The following ZNF184 variants were observed in gnomAD, a reference collection of about 807,000 sequenced individuals.
The protein encoded by ZNF184 is zinc finger protein 184 (Kruppel-like).
In ZNF184, 16 loss-of-function variants were observed where a neutral mutation model predicts 54.4. The ratio of observed to expected loss-of-function variants is 0.29; its 90% CI spans 0.20 to 0.45. The LOEUF is 0.45. Among genes scored for constraint, ZNF184 ranks in the 20% least tolerant of loss-of-function variants. The pLI, the probability that ZNF184 is intolerant of heterozygous loss-of-function variation, is 1.00. For synonymous variants in ZNF184, 254 were observed against 295.3 expected, an observed-to-expected ratio of 0.86 and a Z score of 1.43; for missense variants, 681 against 888.2, an observed-to-expected ratio of 0.77 and a Z score of 2.97.
chr6:27,463,848 A>G (rs1038277362), intron 3 of ZNF184, among the ~76,000 whole-genome samples: 1 of 151,724 alleles, frequency 6.6e-6, no homozygotes, highest in Non-Finnish European at 1.5e-5. Flanking sequence ...TTAGACATAG[A>G]AACCTGAAAG....
intron 3 of ZNF184, among the ~76,000 whole-genome samples, chr6:27,459,571 C>T (rs1331830309): frequency 1.2e-4 from 19 of 152,098 alleles, no homozygotes; most frequent in Non-Finnish European, 2.6e-4. Flanking sequence ...ATGGTGGAAA[C>T]AGAACCCAAA....
At chr6:27,463,968 A>G (rs898793614) in intron 3 of ZNF184, among the ~76,000 whole-genome samples, 3 of 152,036 alleles carry the variant, frequency 2.0e-5, no homozygotes, top group Admixed American at 1.3e-4. Context: ...GGGTTTCTCA[A>G]CCTTGGCGCT....
the ZNF184 span, among the ~76,000 whole-genome samples, chr6:27,423,960 T>C: frequency 1.3e-5 from 2 of 152,248 alleles, no homozygotes; most frequent in East Asian, 1.9e-4. Flanking sequence ...TGTAAAATTA[T>C]TTTATTAGTT....
chr6:27,470,313 G>A (rs1763243421), intron 2 of ZNF184, among the ~76,000 whole-genome samples: 2 of 152,152 alleles, frequency 1.3e-5, no homozygotes, highest in African/African-American at 2.4e-5. Flanking sequence ...GCTGGCAACA[G>A]TGTGCCATAG....
At chr6:27,461,980 C>T (rs990836703) in intron 3 of ZNF184, among the ~76,000 whole-genome samples, 4 of 152,106 alleles carry the variant, frequency 2.6e-5, no homozygotes, top group Admixed American at 6.6e-5. Flanking sequence ...AGTCAAGGGA[C>T]CAGAACCAGC....
At chr6:27,408,827 C>G in the ZNF184 span, among the ~76,000 whole-genome samples, 1 of 152,074 alleles carries the variant, frequency 6.6e-6, no homozygotes, top group South Asian at 2.1e-4. Flanking sequence ...AGTTTAGGAA[C>G]TTTTAGGAAT....
the ZNF184 span, among the ~76,000 whole-genome samples, chr6:27,442,727 G>GAAGGAAGA: frequency 8.9e-4 from 119 of 133,734 alleles, 6 homozygotes; most frequent in African/African-American, 3.0e-3. Flanking sequence ...AGGACGGAAG[G>GAAGGAAGA]AAGGAAGGAA....
intron 2 of ZNF184, among the ~76,000 whole-genome samples, chr6:27,471,357 G>A (rs1450064318): frequency 1.3e-5 from 2 of 152,132 alleles, no homozygotes; most frequent in Admixed American, 6.5e-5. Context: ...ATGACATTAA[G>A]GATAATAATA....
intron 2 of ZNF184, among the ~76,000 whole-genome samples, chr6:27,470,957 GAAGAA>G (rs1384870733): frequency 6.6e-6 from 1 of 152,056 alleles, no homozygotes; most frequent in Admixed American, 6.5e-5. Flanking sequence ...ACAAAAAATT[GAAGAA>G]AAGTATGGAC....
At chr6:27,411,954 G>C in the ZNF184 span, among the ~76,000 whole-genome samples, 1 of 151,798 alleles carries the variant, frequency 6.6e-6, no homozygotes, top group Non-Finnish European at 1.5e-5. Context: ...CTAATACTGC[G>C]GGGTGGATGA....
the ZNF184 span, among the ~76,000 whole-genome samples, chr6:27,413,840 G>T: frequency 6.6e-6 from 1 of 152,140 alleles, no homozygotes; most frequent in Non-Finnish European, 1.5e-5. Flanking sequence ...CTAAGTTTAG[G>T]GTTTGAAACT....
the ZNF184 span, among the ~76,000 whole-genome samples, chr6:27,412,076 C>A: frequency 6.6e-5 from 10 of 152,164 alleles, no homozygotes; most frequent in Admixed American, 3.3e-4. Flanking sequence ...AGATGAGGGC[C>A]GGCAACTGCC....
At chr6:27,460,134 T>A (rs1169739253) in intron 3 of ZNF184, among the ~76,000 whole-genome samples, 2 of 152,158 alleles carry the variant, frequency 1.3e-5, no homozygotes, top group African/African-American at 4.8e-5. Context: ...ACCACTGAAC[T>A]CTAGGGTATA....
the ZNF184 span, chr6:27,407,596 T>C: frequency 9.4e-6 from 5 of 530,446 alleles, no homozygotes; most frequent in African/African-American, 9.6e-5. Context: ...GAGCCAAGTA[T>C]GAACTTACAC....
chr6:27,460,551 C>T (rs1313335432), intron 3 of ZNF184, among the ~76,000 whole-genome samples: 1 of 152,216 alleles, frequency 6.6e-6, no homozygotes, highest in Non-Finnish European at 1.5e-5. Flanking sequence ...ACTGTCCAGA[C>T]TGCAGAGCAG....
chr6:27,451,648 T>C lies in ZNF184; in HGVS notation c.1911A>G (p.Thr637=). The change falls in exon 6 of 6, where the codon ACA becomes ACG. Residue 637 remains threonine (T), a synonymous_variant. Transcript: ENST00000683788. The stretch of plus-strand genomic sequence containing the variant: ...TATTACACTGGTAGGGTTTTTCTTC[T>C]GTGTGAGTTTTTTGATGTTGAGCAA... The part of the protein sequence containing the change: ...SSLAQHQKTH[T]EEKPYQCNKC... 1.9e-6 allele frequency: 3 copies of C among 1,614,136 alleles called. No homozygotes were observed. The highest frequency in any genetic ancestry group is 2.2e-5 in the East Asian group (1 of 44,864).
the ZNF184 span, among the ~76,000 whole-genome samples, chr6:27,445,373 T>C: frequency 6.6e-6 from 1 of 152,348 alleles, no homozygotes; most frequent in African/African-American, 2.4e-5. Context: ...TGCTGTGGTT[T>C]GAATGTCTCC....
intron 3 of ZNF184, among the ~76,000 whole-genome samples, chr6:27,463,388 G>A (rs1266321338): frequency 6.6e-6 from 1 of 151,224 alleles, no homozygotes; most frequent in East Asian, 1.9e-4. Context: ...AAGCTTTGAA[G>A]AAGAGAGATT....
In ZNF184 at chr6:27,456,875, C is replaced by A. The variant is rs753746532; in HGVS notation, c.249G>T (p.Gly83=). ...TTGGCTCCATGATCCATGGCTCTGT[C>A]CCTTGCTCTAACTGGGAAATCACAT... ...KPDVISQLEQ[G]TEPWIMEPSI... Residue 83 remains glycine, a synonymous_variant, in exon 5 of 6, where the codon GGG becomes GGT. Coordinates refer to ENST00000683788, the MANE Select transcript of ZNF184 (RefSeq NM_001318891.2). 1 of 1,614,110 alleles carries A rather than the reference C, an allele frequency of 6.2e-7. No homozygotes were observed. The highest frequency in any genetic ancestry group is 1.7e-5 in the Admixed American group (1 of 60,024).
Sources: gnomAD v4.1 joint callset for allele counts (sites outside exome capture counted in the v4.1 genomes callset) on GRCh38, gnomAD v4.1.1 for gene constraint, MANE v1.5 for transcripts, NCBI Gene and HGNC (gene_info 2026-07-23, HGNC 2026-07-21) for gene names.